The following SHISA6 variants were observed in gnomAD, a reference collection of about 807,000 sequenced individuals.
SHISA6 encodes the protein shisa family member 6.
SHISA6 carries 22 observed loss-of-function variants against 47.9 expected under a neutral mutation model. The ratio of observed to expected loss-of-function variants is 0.46; its 90% CI spans 0.33 to 0.66. The LOEUF (loss-of-function observed/expected upper bound fraction) is 0.66. Ranked by LOEUF, SHISA6 falls within the 30% of genes least tolerant of loss-of-function variation. The pLI, the probability that SHISA6 is intolerant of heterozygous loss-of-function variation, is 0.02. For synonymous variants in SHISA6, 388 were observed against 337.8 expected, an observed-to-expected ratio of 1.15 and a Z score of -1.63; for missense variants, 680 against 764.6, an observed-to-expected ratio of 0.89 and a Z score of 1.30.
At position 11,242,173 on chromosome 17, in the gene SHISA6, C is replaced by T. The variant is rs552399797; in HGVS notation, c.638+113C>T. 10 of 1,352,246 alleles carry T rather than the reference C, an allele frequency of 7.4e-6. No individual in the cohort carries two copies. In the African/African-American group the frequency reaches 1.3e-4, roughly 18 times the overall value. The allele number at this position is 1,352,246 out of a possible 1,614,324, so 83.8% of individuals were successfully genotyped here. A position where few individuals can be genotyped will look rare whatever the true frequency, so the allele number is the denominator to read the frequency against. ...ATCACACCTCCCCAGGCCCTCTAGTCATTTCCACCATCGCTCCTTTTGCAT... is the reference window on the plus strand; with the variant it reads ...ATCACACCTCCCCAGGCCCTCTAGTTATTTCCACCATCGCTCCTTTTGCAT... On this transcript the variant is annotated intron_variant, in intron 1 of 5. Transcript: ENST00000441885.
intron 3 of SHISA6, among the ~76,000 whole-genome samples, chr17:11,463,833 T>C (rs1915747448): frequency 6.6e-6 from 1 of 152,254 alleles, no homozygotes; most frequent in Non-Finnish European, 1.5e-5. Flanking sequence ...AAAAATCATT[T>C]GCTTATACAT....
At chr17:11,367,893 G>T (rs928461790) in intron 2 of SHISA6, among the ~76,000 whole-genome samples, 8 of 152,094 alleles carry the variant, frequency 5.3e-5, no homozygotes, top group African/African-American at 1.9e-4. Flanking sequence ...TGTTTATTTT[G>T]CTCTGGGTTG....
At chr17:11,350,183 T>TTA (rs1911832120) in intron 2 of SHISA6, among the ~76,000 whole-genome samples, 1 of 81,688 alleles carries the variant, frequency 1.2e-5, no homozygotes, top group African/African-American at 4.5e-5. Context: ...TATTTATTTA[T>TTA]TTTTTTTTTT....
At chr17:11,375,403 T>G (rs1168784329) in intron 2 of SHISA6, among the ~76,000 whole-genome samples, 1 of 152,132 alleles carries the variant, frequency 6.6e-6, no homozygotes, top group Non-Finnish European at 1.5e-5. Context: ...TCAGCTTCCT[T>G]GTGTATCCGT....
chr17:11,345,563 G>A (rs1414888790), intron 2 of SHISA6, among the ~76,000 whole-genome samples: 1 of 152,034 alleles, frequency 6.6e-6, no homozygotes, highest in Non-Finnish European at 1.5e-5. Context: ...TCAATTTGGG[G>A]AATTTTGCTA....
At position 11,241,345 on chromosome 17, in the gene SHISA6, G is replaced by C. The variant is rs2142128194; in HGVS notation, c.-78G>C. On this transcript the variant is annotated 5_prime_UTR_variant, in exon 1 of 6. Coordinates refer to ENST00000441885, the MANE Select transcript of SHISA6 (RefSeq NM_207386.4). The surrounding 1 kb of genome is among the most constrained non-coding windows in gnomAD (Gnocchi z 5.5). ...CAGCGCCTCCAGCCCGGCCCGCGCG[G>C]CGGGTCCTCCGAGCCCGGCCCGCCG... 1.1e-6 allele frequency: 1 copy of C among 912,316 alleles called. No individual in the cohort carries two copies. The highest frequency in any genetic ancestry group is 1.1e-4 in the East Asian group (1 of 9,188). The allele number at this position is 912,316 out of a possible 1,614,324, so 56.5% of individuals were successfully genotyped here. A position where few individuals can be genotyped will look rare whatever the true frequency, so the allele number is the denominator to read the frequency against.
chr17:11,310,625 A>C (rs1910290489), intron 2 of SHISA6, among the ~76,000 whole-genome samples: 1 of 152,170 alleles, frequency 6.6e-6, no homozygotes, highest in Admixed American at 6.5e-5. Context: ...ATGAGATGGG[A>C]AGCTCTTAGA....
Position 11,477,071 on chromosome 17 carries a change from T to C in SHISA6, c.896-74825T>C, listed in dbSNP as rs897293978. ...TGAAGTCTGCTCTGCATAAAATTAATATAGCTACTCTCATGTTCTTTTCAT... is the reference window on the plus strand; with the variant it reads ...TGAAGTCTGCTCTGCATAAAATTAACATAGCTACTCTCATGTTCTTTTCAT... On this transcript the variant is annotated intron_variant, in intron 3 of 5. Transcript: ENST00000441885. Among the ~76,000 whole-genome samples, 37 of 152,340 alleles carry C rather than the reference T, an allele frequency of 2.4e-4. 1 individual carries two copies. The East Asian group carries it at 4.0e-3, about 17-fold the overall frequency.
intron 3 of SHISA6, among the ~76,000 whole-genome samples, chr17:11,450,679 G>A (rs1054561387): frequency 6.7e-6 from 1 of 148,472 alleles, no homozygotes; most frequent in Non-Finnish European, 1.5e-5. Flanking sequence ...TGGGCAACAA[G>A]AGCAAAACTC....
chr17:11,244,696 G>A (rs1309682925), intron 1 of SHISA6, among the ~76,000 whole-genome samples: 1 of 152,204 alleles, frequency 6.6e-6, no homozygotes, highest in African/African-American at 2.4e-5. Context: ...GTGGGGAGGA[G>A]AAAGAATGTA....
chr17:11,519,659 T>A (rs1041037880), intron 3 of SHISA6, among the ~76,000 whole-genome samples: 5 of 152,082 alleles, frequency 3.3e-5, no homozygotes, highest in Non-Finnish European at 5.9e-5. Flanking sequence ...TTATATATAT[T>A]TTTTCACGAT....
intron 3 of SHISA6, among the ~76,000 whole-genome samples, chr17:11,515,310 G>GA (rs979969982): frequency 3.5e-5 from 4 of 113,928 alleles, no homozygotes; most frequent in African/African-American, 1.1e-4. Context: ...AAGGAAGAAA[G>GA]AAAAAGGAAG....
chr17:11,533,568 T>C (rs1006527090), intron 3 of SHISA6, among the ~76,000 whole-genome samples: 4 of 151,556 alleles, frequency 2.6e-5, no homozygotes, highest in Non-Finnish European at 5.9e-5. Flanking sequence ...TACTTTCTTT[T>C]TGAAGCTTCC....
chr17:11,272,233 T>C (rs1908703571), intron 2 of SHISA6, among the ~76,000 whole-genome samples: 1 of 152,148 alleles, frequency 6.6e-6, no homozygotes. Context: ...GGACTCACTC[T>C]CTGTCTTCTA....
chr17:11,554,826 T>C (rs2071961605), intron 4 of SHISA6, among the ~76,000 whole-genome samples: 1 of 151,892 alleles, frequency 6.6e-6, no homozygotes, highest in African/African-American at 2.4e-5. Context: ...ACTGCCTCCC[T>C]CACCGGCCCT....
At chr17:11,268,348 C>A (rs997204687) in intron 2 of SHISA6, among the ~76,000 whole-genome samples, 6 of 152,174 alleles carry the variant, frequency 3.9e-5, no homozygotes, top group African/African-American at 1.4e-4. Context: ...CACTCTGCCA[C>A]AGTCCTGCAT....
intron 3 of SHISA6, among the ~76,000 whole-genome samples, chr17:11,397,434 C>T (rs1010245230): frequency 4.1e-5 from 2 of 48,718 alleles, no homozygotes; most frequent in African/African-American, 1.1e-4. Flanking sequence ...TGTGTGTTCA[C>T]TACCTTTTAA....
intron 3 of SHISA6, among the ~76,000 whole-genome samples, chr17:11,541,700 G>A (rs1001026662): frequency 1.3e-5 from 2 of 152,144 alleles, no homozygotes; most frequent in Non-Finnish European, 2.9e-5. Flanking sequence ...AACCTAAAAT[G>A]TATTTGGAAT....
At chr17:11,275,241 C>G (rs1435098868) in intron 2 of SHISA6, among the ~76,000 whole-genome samples, 6 of 151,304 alleles carry the variant, frequency 4.0e-5, no homozygotes, top group Non-Finnish European at 8.8e-5. Context: ...GTGGAGGTGG[C>G]AAATGGCTCA....
Sources: gnomAD v4.1 joint callset for allele counts (sites outside exome capture counted in the v4.1 genomes callset) on GRCh38, gnomAD v4.1.1 for gene constraint, Gnocchi (gnomAD v3.1) non-coding constraint, MANE v1.5 for transcripts, NCBI Gene and HGNC (gene_info 2026-07-23, HGNC 2026-07-21) for gene names.